Variants in HIP1 observed in about 807,000 individuals in gnomAD.
HIP1 encodes huntingtin-interacting protein 1.
Under a neutral mutation model 147.6 loss-of-function variants are expected in HIP1, and 65 were observed. That is an observed-to-expected ratio of 0.44 (90% CI 0.36 to 0.54). The LOEUF (loss-of-function observed/expected upper bound fraction) is 0.54, where lower values mean the gene tolerates loss of function less well. Among genes scored for constraint, HIP1 ranks in the 20% least tolerant of loss-of-function variants. The pLI is 0.00. For synonymous variants in HIP1, 479 were observed against 504.0 expected, an observed-to-expected ratio of 0.95 and a Z score of 0.67; for missense variants, 1,061 against 1,299.6, an observed-to-expected ratio of 0.82 and a Z score of 2.82.
intron 1 of HIP1, among the ~76,000 whole-genome samples, chr7:75,685,398 T>C (rs1445690182): frequency 6.6e-6 from 1 of 152,210 alleles, no homozygotes; most frequent in Non-Finnish European, 1.5e-5. Context: ...AAATTTCCAC[T>C]GTGAAATGGT....
rs1793973980 is a variant in HIP1, at chr7:75,533,366, T to C, written c.*4806A>G. Reference sequence around the variant, plus strand: ...GCAATGTATTATACAAAGAAAGGTCTTAATACCATAATAAAAGTATTGTTG... The same window carrying C: ...GCAATGTATTATACAAAGAAAGGTCCTAATACCATAATAAAAGTATTGTTG... On this transcript the variant is annotated 3_prime_UTR_variant, in exon 31 of 31. Transcript: ENST00000336926. 1 of 224,886 alleles carries C rather than the reference T, an allele frequency of 4.4e-6. No individual in the cohort carries two copies. Among genetic ancestry groups the C allele is most frequent in the South Asian group, 1.8e-4 (1 of 5,456 alleles). 13.9% of individuals were successfully genotyped at this position (224,886 alleles called of 1,614,324 possible).
chr7:75,720,894 T>C (rs1404531406), intron 1 of HIP1, among the ~76,000 whole-genome samples: 1 of 151,722 alleles, frequency 6.6e-6, no homozygotes, highest in African/African-American at 2.4e-5. Flanking sequence ...CAAAATTAGC[T>C]GGGTGTGGTG....
intron 1 of HIP1, among the ~76,000 whole-genome samples, chr7:75,694,827 G>A (rs1284172861): frequency 8.6e-5 from 13 of 151,672 alleles, no homozygotes; most frequent in Admixed American, 7.3e-4. Flanking sequence ...CTTCTCTATC[G>A]CTCTTATCTA....
At chr7:75,615,247 C>A (rs587615147) in intron 1 of HIP1, among the ~76,000 whole-genome samples, 235 of 152,018 alleles carry the variant, frequency 1.5e-3, no homozygotes, top group African/African-American at 5.4e-3. Context: ...TGAGAGAGCA[C>A]ACAGATGATA....
intron 1 of HIP1, among the ~76,000 whole-genome samples, chr7:75,684,447 CAAAAAAAAAAAAA>C (rs59055803): frequency 1.4e-4 from 6 of 43,832 alleles, no homozygotes; most frequent in African/African-American, 1.6e-4. Flanking sequence ...GACTCCGTCT[CAAAAAAAAAAAAA>C]AAAAAAAAAA....
intron 1 of HIP1, among the ~76,000 whole-genome samples, chr7:75,702,684 G>A (rs1169411845): frequency 6.6e-6 from 1 of 152,174 alleles, no homozygotes; most frequent in African/African-American, 2.4e-5. Flanking sequence ...GGGACCTGGT[G>A]TTCATATGGA....
At chr7:75,586,202 TG>T (rs1796271161) in intron 5 of HIP1, among the ~76,000 whole-genome samples, 3 of 151,626 alleles carry the variant, frequency 2.0e-5, no homozygotes, top group African/African-American at 7.3e-5. Flanking sequence ...TTCTTTTTTT[TG>T]TTTTTTTTTT....
At chr7:75,605,197 C>G (rs1554503654) in intron 1 of HIP1, among the ~76,000 whole-genome samples, 3 of 152,142 alleles carry the variant, frequency 2.0e-5, no homozygotes, top group Non-Finnish European at 4.4e-5. Context: ...CTCTTTGGTT[C>G]CAAGCCCTGA....
intron 1 of HIP1, among the ~76,000 whole-genome samples, chr7:75,624,544 G>A (rs1196635720): frequency 6.6e-6 from 1 of 152,164 alleles, no homozygotes; most frequent in African/African-American, 2.4e-5. Context: ...AGGCCTGACA[G>A]CCTACTGGTC....
intron 1 of HIP1, among the ~76,000 whole-genome samples, chr7:75,716,304 A>G (rs960308032): frequency 6.9e-6 from 1 of 145,552 alleles, no homozygotes; most frequent in Non-Finnish European, 1.5e-5. Flanking sequence ...CTTGGCTCAC[A>G]GCAACCTCCA....
chr7:75,587,747 T>C (rs919835970), intron 4 of HIP1, among the ~76,000 whole-genome samples: 4 of 152,084 alleles, frequency 2.6e-5, no homozygotes, highest in African/African-American at 9.7e-5. Flanking sequence ...GAGGATTGCT[T>C]GAGCTCAGGA....
chr7:75,724,017 T>C (rs138871234), intron 1 of HIP1, among the ~76,000 whole-genome samples: 15,941 of 151,758 alleles, frequency 0.11, 956 homozygotes, highest in Middle Eastern at 0.16. Flanking sequence ...AGTACAGTGG[T>C]GCAATCTCAG....
Position 75,534,456 on chromosome 7 carries a change from T to C in HIP1, c.*3716A>G, listed in dbSNP as rs1794009608. On this transcript the variant is annotated 3_prime_UTR_variant, in exon 31 of 31. Coordinates refer to ENST00000336926, the MANE Select transcript of HIP1 (RefSeq NM_005338.7). ...CTCTCTCTCTTTTTTTTTTTTGAGA[T>C]GGAGTCTCACTCTGTGACCCAGGCT... 2 of 180,580 alleles carry C rather than the reference T, an allele frequency of 1.1e-5. No homozygotes were observed. Among genetic ancestry groups the C allele is most frequent in the African/African-American group, 4.8e-5 (2 of 41,730 alleles). The allele number at this position is 180,580 out of a possible 1,614,324, so 11.2% of individuals were successfully genotyped here.
At chr7:75,643,348 G>C (rs1798707459) in intron 1 of HIP1, among the ~76,000 whole-genome samples, 1 of 152,130 alleles carries the variant, frequency 6.6e-6, no homozygotes, top group African/African-American at 2.4e-5. Context: ...AGTCAGGAAA[G>C]GGGCCAGTTG....
Position 75,536,094 on chromosome 7 carries a change from C to G in HIP1, c.*2078G>C, listed in dbSNP as rs1334057998. On this transcript the variant is annotated 3_prime_UTR_variant, in exon 31 of 31. Coordinates refer to ENST00000336926, the MANE Select transcript of HIP1 (RefSeq NM_005338.7). Reference sequence around the variant, plus strand: ...ACTAGCCACTTTTGGAAATGTTGACCCGCATCAAGAACACACCGATTGGTT... The same window carrying G: ...ACTAGCCACTTTTGGAAATGTTGACGCGCATCAAGAACACACCGATTGGTT... 1 of 189,304 alleles carries G rather than the reference C, an allele frequency of 5.3e-6. No homozygotes were observed. Among genetic ancestry groups the G allele is most frequent in the African/African-American group, 2.3e-5 (1 of 42,784 alleles). 11.7% of individuals were successfully genotyped at this position (189,304 alleles called of 1,614,324 possible).
At chr7:75,623,210 CAA>C (rs34787591) in intron 1 of HIP1, among the ~76,000 whole-genome samples, 25,633 of 83,086 alleles carry the variant, frequency 0.31, 3,209 homozygotes, top group Non-Finnish European at 0.37. Context: ...AAAAAAAAAG[CAA>C]AAAAAAAAAA....
In HIP1 at chr7:75,589,710, A is replaced by C. The variant is rs1554500323; in HGVS notation, c.384+2346T>G. On this transcript the variant is annotated intron_variant, in intron 4 of 30. Transcript: ENST00000336926. ...AAAAAAAAAAAAAAAAAAAAAAAAA[A>C]AAAAAGACTTTTTTTTTGGGTTTTT... Among the ~76,000 whole-genome samples the C allele has an allele frequency of 1.0e-4, 11 of 106,604 alleles. 1 individual carries two copies. Among genetic ancestry groups the C allele is most frequent in the South Asian group, 3.0e-4 (1 of 3,386 alleles). 69.9% of individuals were successfully genotyped at this position (106,604 alleles called of 152,430 possible). A position where few individuals can be genotyped will look rare whatever the true frequency, so the allele number is the denominator to read the frequency against.
At chr7:75,604,494 T>C (rs1190825694) in intron 1 of HIP1, among the ~76,000 whole-genome samples, 1 of 152,076 alleles carries the variant, frequency 6.6e-6, no homozygotes, top group Non-Finnish European at 1.5e-5. Flanking sequence ...GGCAACATAG[T>C]GAGACCTCAT....
At chr7:75,648,974 T>C (rs1554511513) in intron 1 of HIP1, among the ~76,000 whole-genome samples, 1 of 151,960 alleles carries the variant, frequency 6.6e-6, no homozygotes, top group East Asian at 1.9e-4. Context: ...CATGACTGGC[T>C]ATTTTTTATT....
Sources: gnomAD v4.1 joint callset for allele counts (sites outside exome capture counted in the v4.1 genomes callset) on GRCh38, gnomAD v4.1.1 for gene constraint, MANE v1.5 for transcripts, NCBI Gene and HGNC (gene_info 2026-07-23, HGNC 2026-07-21) for gene names.